The following RDH11 variants were observed in gnomAD, a reference collection of about 807,000 sequenced individuals.
The protein encoded by RDH11 is retinol dehydrogenase 11, also known as HCV core-binding protein HCBP12.
RDH11 carries 19 observed loss-of-function variants against 33.4 expected under a neutral mutation model. The ratio of observed to expected loss-of-function variants is 0.57; its 90% confidence interval spans 0.40 to 0.83. The LOEUF (loss-of-function observed/expected upper bound fraction) is 0.83, where lower values mean the gene tolerates loss of function less well. RDH11 is among the 40% of genes least tolerant of loss of function. The pLI is 0.00. For missense variants in RDH11, 353 were observed against 389.0 expected (o/e 0.91, Z 0.78); for synonymous variants, 154 against 155.3 (o/e 0.99, Z 0.06).
intron 4 of RDH11, 84 bp from the exon 5 acceptor site, chr14:67,690,505 G>T: frequency 9.1e-7 from 1 of 1,093,574 alleles, no homozygotes; most frequent in South Asian, 1.4e-5. Flanking sequence ...ACCTATGGGA[G>T]GCAGATAATT....
intron 1 of RDH11, among the ~76,000 whole-genome samples, chr14:67,693,394 G>T (rs1265476289): frequency 6.6e-6 from 1 of 152,086 alleles, no homozygotes; most frequent in Non-Finnish European, 1.5e-5. Flanking sequence ...CCCAGAAGAA[G>T]AAATAACTAG....
At chr14:67,694,451 TAC>T (rs372188891) in intron 1 of RDH11, among the ~76,000 whole-genome samples, 9 of 143,782 alleles carry the variant, frequency 6.3e-5, no homozygotes, top group South Asian at 4.3e-4. Context: ...TATATATATA[TAC>T]ACACACACAC....
At chr14:67,690,103 G>A (rs766847943) in intron 5 of RDH11, 109 bp downstream of exon 5, 47 of 885,344 alleles carry the variant, frequency 5.3e-5, no homozygotes, top group Non-Finnish European at 7.2e-5. Context: ...TTATAGCCAC[G>A]GAAGCAGGTC....
At chr14:67,694,876 G>C (rs971003988) in intron 1 of RDH11, among the ~76,000 whole-genome samples, 40 of 152,158 alleles carry the variant, frequency 2.6e-4, no homozygotes, top group Admixed American at 2.0e-3. Flanking sequence ...TCAGTCACTG[G>C]TCCGTCACCA....
At chr14:67,688,149 T>A (rs1313416065) in intron 5 of RDH11, among the ~76,000 whole-genome samples, 1 of 152,128 alleles carries the variant, frequency 6.6e-6, no homozygotes, top group Admixed American at 6.5e-5. Context: ...TGCAACTCAC[T>A]TCTTCAGGAA....
rs2037550528 is a variant in RDH11 at position 67,677,241 on chromosome 14, T to C, written c.*1080A>G. 1 of 152,162 alleles carries C rather than the reference T, an allele frequency of 6.6e-6. No individual in the cohort carries two copies. The highest frequency in any genetic ancestry group is 2.4e-5 in the African/African-American group (1 of 41,442). The allele number at this position is 152,162 out of a possible 1,614,324, so 9.4% of individuals were successfully genotyped here. A position where few individuals can be genotyped will look rare whatever the true frequency, so the allele number is the denominator to read the frequency against. The stretch of plus-strand genomic sequence containing the variant: ...AAATTTTGGCACAGACATTTTAATC[T>C]TGTCAAGACAATGTAAGGAAATGCC... On this transcript the variant is annotated 3_prime_UTR_variant, in exon 7 of 7. Coordinates refer to ENST00000381346, the MANE Select transcript of RDH11 (RefSeq NM_016026.4).
At chr14:67,691,379 T>C in intron 3 of RDH11, 135 bp from the exon 4 acceptor site, 1 of 625,646 alleles carries the variant, frequency 1.6e-6, no homozygotes, top group South Asian at 2.0e-5. Flanking sequence ...TCATATTTAT[T>C]TTCTATTGTT....
At chr14:67,690,902 G>C in intron 4 of RDH11, 1 of 518,616 alleles carries the variant, frequency 1.9e-6, no homozygotes, top group Non-Finnish European at 3.4e-6. Flanking sequence ...AAACCAATTA[G>C]TCTGTTAAAA....
At chr14:67,692,642 G>A in intron 2 of RDH11, 49 bp from the exon 3 acceptor site, 2 of 1,500,638 alleles carry the variant, frequency 1.3e-6, no homozygotes, top group Non-Finnish European at 1.8e-6. Flanking sequence ...TTTTTGAGCT[G>A]GCATTATAAA....
rs746428411 is a variant in RDH11, at chr14:67,685,145, G to A, written c.724C>T (p.His242Tyr). 7 of 1,614,184 alleles carry A rather than the reference G, an allele frequency of 4.3e-6. No homozygotes were observed. In the South Asian group the frequency reaches 7.7e-5, roughly 18 times the overall value. ...CACATCCATCTCATGAAAGATGAGT[G>A]CCGAACCAGTTCAGATTGGACTGTG... ...PGTVQSELVR[H>Y]SSFMRWMWWL... is the part of the protein sequence containing the mutation. The change falls in exon 6 of 7, where the codon CAC (histidine) becomes TAC (tyrosine). Residue 242 changes from histidine to tyrosine, a missense_variant. His to Tyr is a moderately conservative substitution (Grantham distance 83). Transcript: ENST00000381346.
At chr14:67,686,034 G>C (rs2037674450) in intron 5 of RDH11, 1 of 152,120 alleles carries the variant, frequency 6.6e-6, no homozygotes, top group South Asian at 2.1e-4. Flanking sequence ...TTAAATGTTG[G>C]AGTTCTCGTG....
At chr14:67,685,681 C>T (rs528948473) in intron 5 of RDH11, among the ~76,000 whole-genome samples, 43 of 152,004 alleles carry the variant, frequency 2.8e-4, no homozygotes, top group African/African-American at 1.0e-3. Flanking sequence ...AGTGCAGTGG[C>T]ATGATCTTCC....
At chr14:67,681,962 G>A (rs2037621427) in intron 6 of RDH11, among the ~76,000 whole-genome samples, 1 of 152,062 alleles carries the variant, frequency 6.6e-6, no homozygotes, top group Admixed American at 6.5e-5. Flanking sequence ...CCTCATACCT[G>A]GATTAATGTC....
chr14:67,683,028 G>A (rs1478879074), intron 6 of RDH11, among the ~76,000 whole-genome samples: 1 of 152,168 alleles, frequency 6.6e-6, no homozygotes, highest in Admixed American at 6.5e-5. Flanking sequence ...TCCAGTAAAG[G>A]CAAATTCTTA....
In RDH11 at chr14:67,685,186, T is replaced by C; in HGVS notation, c.683A>G (p.Tyr228Cys). The change falls in exon 6 of 7, where the codon TAT becomes TGT. Residue 228 changes from tyrosine (Y) to cysteine (C), a missense_variant. Physicochemically the swap from Tyr to Cys is radical, Grantham distance 194. Transcript: ENST00000381346. ...RRLKGSGVTT[Y>C]SVHPGTVQSE... is the part of the protein sequence containing the mutation. ...TTGGACTGTGCCAGGGTGTACAGAA[T>C]ACGTCGTAACGCCAGAGCCTGGTTG... 2 of 1,613,002 alleles carry C rather than the reference T, an allele frequency of 1.2e-6. No individual in the cohort carries two copies. The highest frequency in any genetic ancestry group is 1.7e-6 in the Non-Finnish European group (2 of 1,179,526).
chr14:67,678,420 G>C lies in RDH11; in HGVS notation c.858C>G (p.Asp286Glu). 6.2e-7 allele frequency: 1 copy of C among 1,608,368 alleles called. No homozygotes were observed. The highest frequency in any genetic ancestry group is 8.5e-7 in the Non-Finnish European group (1 of 1,174,872). The change falls in exon 7 of 7, where the codon GAC (aspartate) becomes GAG (glutamate). Residue 286 changes from aspartate (D) to glutamate (E), a missense_variant. Transcript: ENST00000381346. ...LEILSGNHFSDCHVAWVSAQA... is the reference protein window; with the variant it reads ...LEILSGNHFSECHVAWVSAQA... ...GGGCAGAGACCCATGCCACATGACAGTCACTGGAAGGTAAAGAGAAAGGTA... is the reference window on the plus strand; with the variant it reads ...GGGCAGAGACCCATGCCACATGACACTCACTGGAAGGTAAAGAGAAAGGTA...
intron 5 of RDH11, among the ~76,000 whole-genome samples, chr14:67,687,753 G>T (rs2037699270): frequency 6.7e-6 from 1 of 149,808 alleles, no homozygotes; most frequent in Non-Finnish European, 1.5e-5. Context: ...TTACAAGCAT[G>T]AGCCACCACG....
At chr14:67,691,556 G>C (rs2037751046) in intron 3 of RDH11, 1 of 235,810 alleles carries the variant, frequency 4.2e-6, no homozygotes, top group African/African-American at 2.3e-5. Flanking sequence ...TTCCCAAGCT[G>C]AATGGAAAGA....
intron 6 of RDH11, among the ~76,000 whole-genome samples, chr14:67,681,709 G>A (rs1243893540): frequency 6.6e-6 from 1 of 152,148 alleles, no homozygotes; most frequent in East Asian, 1.9e-4. Context: ...TTGAACCCAG[G>A]AGGCGGAGGT....
Sources: allele counts gnomAD v4.1 joint callset (sites outside exome capture counted in the v4.1 genomes callset), GRCh38; gene constraint gnomAD v4.1.1; transcripts MANE v1.5; gene names NCBI Gene and HGNC (gene_info 2026-07-23, HGNC 2026-07-21).